TUSC3: variants seen among roughly 807,000 people sequenced by gnomAD.
TUSC3 encodes dolichyl-diphosphooligosaccharide--protein glycosyltransferase subunit TUSC3.
TUSC3 carries 45 observed loss-of-function variants against 44.8 expected under a neutral mutation model. The ratio of observed to expected loss-of-function variants is 1.00; its 90% CI spans 0.79 to 1.29. TUSC3 has a LOEUF of 1.29. Among genes scored for constraint, TUSC3 ranks in the 50% most tolerant of loss-of-function variants. The probability of loss-of-function intolerance (pLI) is 0.00; values close to 1 mark genes in which losing one functional copy is unlikely to be tolerated. For synonymous variants in TUSC3, 212 were observed against 152.9 expected (o/e 1.39, Z -2.85); for missense variants, 519 against 437.9 (o/e 1.19, Z -1.65).
At position 15,629,657 on chromosome 8, in the gene TUSC3, A is replaced by G. The variant is rs191775838; in HGVS notation, c.308+6408A>G. Among the ~76,000 whole-genome samples the G allele has an allele frequency of 1.6e-3, 222 of 141,866 alleles. 1 individual carries two copies. In the Middle Eastern group the frequency reaches 0.025, roughly 16 times the overall value. 93.1% of individuals were successfully genotyped at this position (141,866 alleles called of 152,430 possible). On this transcript the variant is annotated intron_variant, in intron 2 of 10. Transcript: ENST00000503731. ...ACTGCCGTAATCTTTATAATTGTTT[A>G]GGATCTTTGAAAAGTTCATAGTTAG... is the stretch of plus-strand genomic sequence containing the variant.
intron 1 of TUSC3, among the ~76,000 whole-genome samples, chr8:15,574,839 A>G (rs928008818): frequency 2.6e-5 from 4 of 152,182 alleles, no homozygotes; most frequent in African/African-American, 7.2e-5. Context: ...CTTGGAAAAC[A>G]TTTAGAGCAA....
At chr8:15,449,379 G>T (rs1353516722) in intron 1 of TUSC3, among the ~76,000 whole-genome samples, 1 of 152,290 alleles carries the variant, frequency 6.6e-6, no homozygotes, top group African/African-American at 2.4e-5. Flanking sequence ...ATGTCAAAAG[G>T]TGAAGCAGAG....
chr8:15,806,614 T>A, the TUSC3 span: 1 of 1,425,914 alleles, frequency 7.0e-7, no homozygotes, highest in Admixed American at 1.7e-5. Context: ...GATCATCTTC[T>A]TCAGATCTTT....
At chr8:15,464,884 C>G (rs1449040197) in intron 1 of TUSC3, among the ~76,000 whole-genome samples, 1 of 152,088 alleles carries the variant, frequency 6.6e-6, no homozygotes, top group Admixed American at 6.6e-5. Flanking sequence ...GAGTCTTGCT[C>G]TGTCTCCCAG....
chr8:15,429,574 T>G (rs1585784779), intron 1 of TUSC3, among the ~76,000 whole-genome samples: 1 of 151,726 alleles, frequency 6.6e-6, no homozygotes, highest in Non-Finnish European at 1.5e-5. Flanking sequence ...ATGGCCATTT[T>G]TTTTTCATGA....
At chr8:15,640,968 G>C (rs956865112) in intron 2 of TUSC3, among the ~76,000 whole-genome samples, 2 of 152,164 alleles carry the variant, frequency 1.3e-5, no homozygotes, top group African/African-American at 4.8e-5. Flanking sequence ...AATTCATGAG[G>C]CATGTTTATC....
At chr8:15,691,694 G>T (rs1393271023) in intron 6 of TUSC3, among the ~76,000 whole-genome samples, 1 of 152,150 alleles carries the variant, frequency 6.6e-6, no homozygotes, top group Admixed American at 6.5e-5. Context: ...TCAGTGTCTA[G>T]TTTGTTGAGG....
Position 15,694,999 on chromosome 8 carries a change from A to G in TUSC3, c.798+21163A>G, listed in dbSNP as rs115425608. On this transcript the variant is annotated intron_variant, in intron 6 of 10. Coordinates refer to ENST00000503731, the MANE Select transcript of TUSC3 (RefSeq NM_006765.4). Reference sequence around the variant, plus strand: ...TGGCATCCAAGCATGTGTTTGCACCATTGCCGGTGTCATAGCAGGGGCAGA... The same window carrying G: ...TGGCATCCAAGCATGTGTTTGCACCGTTGCCGGTGTCATAGCAGGGGCAGA... Among the ~76,000 whole-genome samples, 898 of 152,304 alleles carry G rather than the reference A, an allele frequency of 5.9e-3. 9 individuals are homozygous for G. Among genetic ancestry groups the G allele is most frequent in the African/African-American group, 0.02 (837 of 41,580 alleles).
At chr8:15,540,946 T>C (rs1297312610) in intron 1 of TUSC3, among the ~76,000 whole-genome samples, 1 of 152,228 alleles carries the variant, frequency 6.6e-6, no homozygotes, top group Non-Finnish European at 1.5e-5. Flanking sequence ...TTCCTTATTT[T>C]CTTACTCTGC....
At chr8:15,564,634 G>A (rs1004107091) in intron 1 of TUSC3, among the ~76,000 whole-genome samples, 2 of 151,934 alleles carry the variant, frequency 1.3e-5, no homozygotes, top group African/African-American at 4.8e-5. Flanking sequence ...CCTGTTTACC[G>A]TATGAGTTTT....
At chr8:15,797,411 CTT>C in the TUSC3 span, among the ~76,000 whole-genome samples, 1 of 152,170 alleles carries the variant, frequency 6.6e-6, no homozygotes, top group Middle Eastern at 3.4e-3. Flanking sequence ...GCCAGAGGGA[CTT>C]AGCACTGTGA....
chr8:15,803,770 A>C, the TUSC3 span, among the ~76,000 whole-genome samples: 1 of 151,398 alleles, frequency 6.6e-6, no homozygotes, highest in Non-Finnish European at 1.5e-5. Context: ...GTGTTGTTCA[A>C]CTCCTGCTTA....
At chr8:15,553,137 G>C (rs985587844) in intron 1 of TUSC3, among the ~76,000 whole-genome samples, 1 of 151,742 alleles carries the variant, frequency 6.6e-6, no homozygotes, top group Non-Finnish European at 1.5e-5. Context: ...GAGAATGTAT[G>C]AGATGCCTGT....
downstream of TUSC3, among the ~76,000 whole-genome samples, chr8:15,767,034 A>G (rs950272066): frequency 6.6e-6 from 1 of 152,098 alleles, no homozygotes; most frequent in African/African-American, 2.4e-5. Flanking sequence ...TTCATACTCC[A>G]GCAATATGCT....
At chr8:15,593,172 G>A (rs534665550) in intron 1 of TUSC3, among the ~76,000 whole-genome samples, 14 of 152,118 alleles carry the variant, frequency 9.2e-5, no homozygotes, top group African/African-American at 3.4e-4. Flanking sequence ...TGCAGCCTCC[G>A]CCTTCTGGGT....
the TUSC3 span, among the ~76,000 whole-genome samples, chr8:15,808,691 G>T: frequency 6.6e-6 from 1 of 152,022 alleles, no homozygotes; most frequent in South Asian, 2.1e-4. Flanking sequence ...CAGGCAATTT[G>T]CCCAGTGGCT....
At chr8:15,830,759 G>A in the TUSC3 span, among the ~76,000 whole-genome samples, 6 of 152,088 alleles carry the variant, frequency 3.9e-5, no homozygotes, top group African/African-American at 7.2e-5. Flanking sequence ...GACTCCAAAG[G>A]GAGGAAGGTG....
chr8:15,680,387 A>T lies in TUSC3; in HGVS notation c.798+6551A>T, dbSNP rs189756992. Among the ~76,000 whole-genome samples the T allele has an allele frequency of 6.6e-5, 10 of 151,912 alleles. No homozygotes were observed. In the East Asian group the frequency reaches 1.9e-3, roughly 29 times the overall value. ...AGTTGTGAATAAGAATGTGTTCTTG[A>T]TTTGGTTCTTGACTTGAACGTTATT... On this transcript the variant is annotated intron_variant, in intron 6 of 10. Coordinates refer to ENST00000503731, the MANE Select transcript of TUSC3 (RefSeq NM_006765.4).
chr8:15,450,057 T>A (rs1800173412), intron 1 of TUSC3, among the ~76,000 whole-genome samples: 1 of 152,138 alleles, frequency 6.6e-6, no homozygotes, highest in Non-Finnish European at 1.5e-5. Flanking sequence ...CAAAATTGCC[T>A]AACAATGCAT....
Sources: allele counts gnomAD v4.1 joint callset (sites outside exome capture counted in the v4.1 genomes callset), GRCh38; gene constraint gnomAD v4.1.1; transcripts MANE v1.5; gene names NCBI Gene and HGNC (gene_info 2026-07-23, HGNC 2026-07-21).